GMDS: variants seen among roughly 807,000 people sequenced by gnomAD.
GMDS encodes GDP-mannose 4,6-dehydratase, also known as GDP-mannose 4,6 dehydratase.
In GMDS, 20 loss-of-function variants were observed where a neutral mutation model predicts 49.9. The ratio of observed to expected loss-of-function variants is 0.40; its 90% CI spans 0.28 to 0.58. The LOEUF (loss-of-function observed/expected upper bound fraction) is 0.58. Ranked by LOEUF, GMDS falls within the 20% of genes least tolerant of loss-of-function variation. GMDS has a pLI of 0.42. For missense variants in GMDS, 362 were observed against 481.4 expected, an observed-to-expected ratio of 0.75 and a Z score of 2.32; for synonymous variants, 177 against 178.6, an observed-to-expected ratio of 0.99 and a Z score of 0.07.
intron 9 of GMDS, among the ~76,000 whole-genome samples, chr6:1,678,260 C>T (rs1384616069): frequency 2.0e-5 from 3 of 152,194 alleles, no homozygotes; most frequent in African/African-American, 4.8e-5. Flanking sequence ...CCAGAGGACT[C>T]TGTTCTCCCT....
chr6:1,630,342 A>G (rs1436655418), intron 9 of GMDS, among the ~76,000 whole-genome samples: 1 of 152,214 alleles, frequency 6.6e-6, no homozygotes. Context: ...ATGCCACCCC[A>G]AAGCTTGTTC....
chr6:1,856,051 T>C (rs1369496150), intron 7 of GMDS, among the ~76,000 whole-genome samples: 3 of 152,188 alleles, frequency 2.0e-5, no homozygotes, highest in African/African-American at 4.8e-5. Flanking sequence ...GAATTTCAAA[T>C]GGCTGAACAA....
intron 7 of GMDS, among the ~76,000 whole-genome samples, chr6:1,821,359 G>A (rs1770880148): frequency 6.6e-6 from 1 of 152,020 alleles, no homozygotes. Flanking sequence ...TGCCAGGGGA[G>A]CCGCGGCTGG....
intron 1 of GMDS, among the ~76,000 whole-genome samples, chr6:2,130,826 AAT>A (rs1491536259): frequency 7.5e-6 from 1 of 134,182 alleles, no homozygotes. Flanking sequence ...TTTAAAAAAA[AAT>A]ACTTTCCCCA....
intron 9 of GMDS, among the ~76,000 whole-genome samples, chr6:1,700,414 C>A (rs1268206963): frequency 6.6e-6 from 1 of 152,048 alleles, no homozygotes; most frequent in South Asian, 2.1e-4. Flanking sequence ...CTCCTCAGTA[C>A]CACTGAAAGC....
chr6:2,132,998 AATT>A (rs1428037319), intron 1 of GMDS, among the ~76,000 whole-genome samples: 2 of 152,200 alleles, frequency 1.3e-5, no homozygotes, highest in African/African-American at 4.8e-5. Flanking sequence ...TGAAAAATAA[AATT>A]AGAGTTCCTC....
chr6:1,834,280 G>T (rs1468913123), intron 7 of GMDS, among the ~76,000 whole-genome samples: 1 of 152,030 alleles, frequency 6.6e-6, no homozygotes, highest in Non-Finnish European at 1.5e-5. Flanking sequence ...TCTCAGTGGT[G>T]GGGGAAAAAT....
At chr6:1,709,763 G>A (rs1437326013) in intron 9 of GMDS, among the ~76,000 whole-genome samples, 1 of 152,188 alleles carries the variant, frequency 6.6e-6, no homozygotes, top group African/African-American at 2.4e-5. Flanking sequence ...GAGAATTAAT[G>A]CTGTAACTAG....
intron 1 of GMDS, 46 bp from the exon 2 acceptor site, chr6:2,124,777 T>C (rs372116726): frequency 1.3e-5 from 19 of 1,453,492 alleles, no homozygotes; most frequent in Non-Finnish European, 1.6e-5. Flanking sequence ...CATAGTGGTA[T>C]AGAAAGGTGG....
intron 7 of GMDS, among the ~76,000 whole-genome samples, chr6:1,905,895 GCCATC>G (rs1760749161): frequency 6.8e-5 from 5 of 73,442 alleles, no homozygotes; most frequent in Admixed American, 1.1e-4. Context: ...AACCCCATAG[GCCATC>G]TGGGAACACG....
intron 4 of GMDS, among the ~76,000 whole-genome samples, chr6:1,989,848 G>A (rs894487634): frequency 6.6e-6 from 1 of 152,250 alleles, no homozygotes; most frequent in African/African-American, 2.4e-5. Context: ...TACGCCCTTG[G>A]GGCCAGGCCC....
intron 7 of GMDS, among the ~76,000 whole-genome samples, chr6:1,761,933 C>T (rs1312681964): frequency 1.3e-5 from 2 of 152,024 alleles, no homozygotes; most frequent in Non-Finnish European, 2.9e-5. Flanking sequence ...AACCCTTTCC[C>T]TAAAAATGAA....
intron 1 of GMDS, among the ~76,000 whole-genome samples, chr6:2,142,394 T>C (rs1776345449): frequency 6.6e-6 from 1 of 151,726 alleles, no homozygotes; most frequent in African/African-American, 2.4e-5. Flanking sequence ...TGGCCCCTAA[T>C]CCAATATGAG....
intron 7 of GMDS, among the ~76,000 whole-genome samples, chr6:1,810,503 G>A (rs1465040688): frequency 6.6e-6 from 1 of 151,820 alleles, no homozygotes; most frequent in Non-Finnish European, 1.5e-5. Flanking sequence ...GGCTGGTCTC[G>A]AACTCTTGAC....
At chr6:1,656,138 T>C (rs1763872873) in intron 9 of GMDS, among the ~76,000 whole-genome samples, 1 of 152,218 alleles carries the variant, frequency 6.6e-6, no homozygotes, top group Admixed American at 6.5e-5. Context: ...TTTATACAAG[T>C]TGATCTTAAC....
chr6:1,671,125 C>G (rs547818501), intron 9 of GMDS, among the ~76,000 whole-genome samples: 8 of 152,290 alleles, frequency 5.3e-5, no homozygotes, highest in African/African-American at 1.9e-4. Context: ...CAGTAACCCA[C>G]GAAGGCCACA....
At chr6:2,226,739 C>T (rs1233529328) in intron 1 of GMDS, among the ~76,000 whole-genome samples, 2 of 152,170 alleles carry the variant, frequency 1.3e-5, no homozygotes, top group Non-Finnish European at 2.9e-5. Context: ...TTAAAAACAC[C>T]TAACATGTGA....
intron 4 of GMDS, among the ~76,000 whole-genome samples, chr6:2,061,696 G>A (rs547234309): frequency 7.6e-4 from 102 of 133,426 alleles, no homozygotes; most frequent in African/African-American, 2.7e-3. Context: ...TCCAGCCTGG[G>A]TGACAGTGCA....
At chr6:1,855,330 TG>T (rs2113774640) in intron 7 of GMDS, among the ~76,000 whole-genome samples, 1 of 152,342 alleles carries the variant, frequency 6.6e-6, no homozygotes, top group South Asian at 2.1e-4. Context: ...AAGCAAATTT[TG>T]GTGACTTAAA....
Sources: gnomAD v4.1 joint callset for allele counts (sites outside exome capture counted in the v4.1 genomes callset) on GRCh38, gnomAD v4.1.1 for gene constraint, MANE v1.5 for transcripts, NCBI Gene and HGNC (gene_info 2026-07-23, HGNC 2026-07-21) for gene names.